SULF2: variants seen among roughly 807,000 people sequenced by gnomAD.
SULF2 encodes the protein sulfatase 2, also known as extracellular sulfatase Sulf-2.
In SULF2, 52 loss-of-function variants were observed where a neutral mutation model predicts 107.7. The ratio of observed to expected loss-of-function variants is 0.48; its 90% CI spans 0.39 to 0.61. SULF2 has a LOEUF of 0.61. Ranked by LOEUF, SULF2 falls within the 20% of genes least tolerant of loss-of-function variation. The pLI, the probability that SULF2 is intolerant of heterozygous loss-of-function variation, is 0.00. For synonymous variants in SULF2, 460 were observed against 464.3 expected (o/e 0.99, Z 0.12); for missense variants, 993 against 1,177.3 (o/e 0.84, Z 2.29).
At chr20:47,729,959 C>T (rs976296564) in intron 3 of SULF2, among the ~76,000 whole-genome samples, 1 of 152,238 alleles carries the variant, frequency 6.6e-6, no homozygotes, top group Non-Finnish European at 1.5e-5. Flanking sequence ...AAATGCCTAG[C>T]GGGCGCCTTT....
At chr20:47,673,123 T>C (rs933875463) in intron 10 of SULF2, among the ~76,000 whole-genome samples, 33 of 152,208 alleles carry the variant, frequency 2.2e-4, no homozygotes, top group African/African-American at 7.2e-4. Context: ...TCTTCCCCAG[T>C]TCCAGCCTCC....
chr20:47,728,728 C>T (rs912461700), intron 3 of SULF2, among the ~76,000 whole-genome samples: 2 of 149,006 alleles, frequency 1.3e-5, no homozygotes, highest in Non-Finnish European at 3.0e-5. Flanking sequence ...TCACTGCAAC[C>T]TCCACCTCCC....
intron 14 of SULF2, 86 bp downstream of exon 14, chr20:47,665,113 G>GA: frequency 1.2e-6 from 1 of 866,132 alleles, no homozygotes; most frequent in African/African-American, 1.7e-5. Context: ...AATAAAAAAT[G>GA]AAAGGGGTCA....
chr20:47,763,955 C>G (rs1379554601), intron 1 of SULF2, among the ~76,000 whole-genome samples: 1 of 152,240 alleles, frequency 6.6e-6, no homozygotes, highest in Non-Finnish European at 1.5e-5. Context: ...CCCACCCAAC[C>G]TGCTCCATCA....
intron 3 of SULF2, among the ~76,000 whole-genome samples, chr20:47,706,286 G>T (rs1403173348): frequency 6.6e-6 from 1 of 151,956 alleles, no homozygotes; most frequent in Non-Finnish European, 1.5e-5. Flanking sequence ...CCATGCGGGG[G>T]GGCTCCACTT....
intron 3 of SULF2, among the ~76,000 whole-genome samples, chr20:47,728,666 T>TA (rs1184391855): frequency 1.3e-5 from 2 of 152,046 alleles, no homozygotes; most frequent in Non-Finnish European, 2.9e-5. Flanking sequence ...ATTTTTGAGA[T>TA]AGAGTCTCAT....
chr20:47,659,505 A>C (rs933441533), intron 19 of SULF2, 53 bp from the exon 20 acceptor site: 2 of 1,582,342 alleles, frequency 1.3e-6, no homozygotes, highest in Non-Finnish European at 1.7e-6. Flanking sequence ...CCAAGAAAGA[A>C]AAAGTCCCCA....
chr20:47,716,937 G>C (rs1161881037), intron 3 of SULF2, among the ~76,000 whole-genome samples: 1 of 152,174 alleles, frequency 6.6e-6, no homozygotes, highest in Non-Finnish European at 1.5e-5. Context: ...TTGGACCCAG[G>C]AGTTCGAGGC....
At chr20:47,782,830 C>A (rs924126342) in intron 1 of SULF2, among the ~76,000 whole-genome samples, 1 of 152,200 alleles carries the variant, frequency 6.6e-6, no homozygotes, top group African/African-American at 2.4e-5. Context: ...TCTGTCGGAA[C>A]AGTGGGGGTT....
rs2090911719 is a variant in SULF2, at chr20:47,785,447, CCGCTGCCGCCGCCGCCGCCGCCGCT to C, written c.-230_-206del. The C allele has an allele frequency of 6.6e-6, 1 of 151,112 alleles. No individual in the cohort carries two copies. The highest frequency in any genetic ancestry group is 1.3e-5 in the Non-Finnish European group (1 of 74,518). The allele number at this position is 151,112 out of a possible 1,614,324, so 9.4% of individuals were successfully genotyped here. Reference sequence around the variant, plus strand: ...CGCAGGGGACTCCGCGCCGCCGCTGCCGCTGCCGCCGCCGCCGCCGCCGCTGCCGCTGCTGCATCCCCCGGCGAGC... The same window carrying C: ...CGCAGGGGACTCCGCGCCGCCGCTGCGCCGCTGCTGCATCCCCCGGCGAGC... On this transcript the variant is annotated 5_prime_UTR_variant, in exon 1 of 21. Coordinates refer to ENST00000688720, the MANE Select transcript of SULF2 (RefSeq NM_001387048.1).
Position 47,678,533 on chromosome 20 carries a change from G to A in SULF2, c.1193+143C>T. 2.5e-6 allele frequency: 2 copies of A among 786,544 alleles called. No individual in the cohort carries two copies. The highest frequency in any genetic ancestry group is 2.0e-5 in the South Asian group (1 of 49,822). The allele number at this position is 786,544 out of a possible 1,614,324, so 48.7% of individuals were successfully genotyped here. ...GGGACCATGCTTCTCTCCCACAGCA[G>A]GTAAGTGGTTGGCATGGCGGGACCT... On this transcript the variant is annotated intron_variant, in intron 8 of 20. Transcript: ENST00000688720. The surrounding 1 kb of genome is among the most constrained non-coding windows in gnomAD (Gnocchi z 4.5).
chr20:47,664,167 G>C lies in SULF2; in HGVS notation c.2020C>G (p.Arg674Gly). The C allele has an allele frequency of 6.2e-7, 1 of 1,613,058 alleles. No individual in the cohort carries two copies. The highest frequency in any genetic ancestry group is 8.5e-7 in the Non-Finnish European group (1 of 1,179,696). ...AGACTGGAGCCTCTGTGCTTGAGGC[G>C]GCCTTTGTGCTGGGTGTGGTAGCTG... ...KISYHTQHKG[R>G]LKHRGSSLHP... Residue 674 changes from arginine (R) to glycine (G), a missense_variant, in exon 15 of 21, where the codon CGC (arginine) becomes GGC (glycine). Arg to Gly is a moderately radical substitution (Grantham distance 125). Transcript: ENST00000688720.
At chr20:47,721,293 G>A (rs529848954) in intron 3 of SULF2, among the ~76,000 whole-genome samples, 2 of 152,150 alleles carry the variant, frequency 1.3e-5, no homozygotes, top group Non-Finnish European at 2.9e-5. Context: ...CACGAAAGAG[G>A]CATCTTATGT....
chr20:47,664,051 C>G lies in SULF2; in HGVS notation c.2057+79G>C, dbSNP rs1306711904. On this transcript the variant is annotated intron_variant, in intron 15 of 20. Transcript: ENST00000688720. Reference sequence around the variant, plus strand: ...GGGCCTGGACTTCTTTCCTTTTCTTCTGAGTTTTAGCTTAAGGGAGGGCCA... The same window carrying G: ...GGGCCTGGACTTCTTTCCTTTTCTTGTGAGTTTTAGCTTAAGGGAGGGCCA... The G allele has an allele frequency of 2.0e-6, 3 of 1,477,114 alleles. No individual in the cohort carries two copies. The Admixed American group carries it at 5.5e-5, about 27-fold the overall frequency. The allele number at this position is 1,477,114 out of a possible 1,614,324, so 91.5% of individuals were successfully genotyped here.
chr20:47,701,413 C>T (rs1026786139), intron 4 of SULF2, among the ~76,000 whole-genome samples: 8 of 152,148 alleles, frequency 5.3e-5, no homozygotes, highest in Non-Finnish European at 7.4e-5. Context: ...ATTCATCCAG[C>T]GGTCCACTTA....
Position 47,676,574 on chromosome 20 carries a change from T to A in SULF2, c.1300A>T (p.Asn434Tyr). The A allele has an allele frequency of 2.5e-6, 4 of 1,574,838 alleles. No individual in the cohort carries two copies. Among genetic ancestry groups the A allele is most frequent in the Non-Finnish European group, 3.4e-6 (4 of 1,159,524 alleles). Residue 434 changes from asparagine (N) to tyrosine (Y), a missense_variant, in exon 10 of 21, where the codon AAC becomes TAC. Physicochemically the swap from Asn to Tyr is moderately radical, Grantham distance 143. This residue lies in a region of SULF2 where 108 missense variants were observed against 183.9 expected (regional missense o/e 0.59). Coordinates refer to ENST00000688720, the MANE Select transcript of SULF2 (RefSeq NM_001387048.1). ...ACACGCTGGTACTTGGGCAGAAAGT[T>A]CTCCTCCTGGGCGTCCACCTTGTCA... ...DNDKVDAQEENFLPKYQRVKD... is the reference protein window; with the variant it reads ...DNDKVDAQEEYFLPKYQRVKD...
In SULF2 at chr20:47,769,158, C is replaced by T. The variant is rs7361455; in HGVS notation, c.-100-11695G>A. Among the ~76,000 whole-genome samples the T allele has an allele frequency of 3.8e-3, 582 of 151,864 alleles. 9 individuals carry two copies. Among genetic ancestry groups the T allele is most frequent in the African/African-American group, 0.013 (550 of 41,416 alleles). ...TGGGTTCAAGTGATTCTCCTGCCTC[C>T]GCCTCCTGAGTAGCTGGAACTACAG... On this transcript the variant is annotated intron_variant, in intron 1 of 20. Coordinates refer to ENST00000688720, the MANE Select transcript of SULF2 (RefSeq NM_001387048.1).
At position 47,678,096 on chromosome 20, in the gene SULF2, C is replaced by G. The variant is rs1054079022; in HGVS notation, c.1193+580G>C. The G allele has an allele frequency of 6.6e-6, 1 of 152,384 alleles. No homozygotes were observed. 9.4% of individuals were successfully genotyped at this position (152,384 alleles called of 1,614,324 possible). Reference sequence around the variant, plus strand: ...CCTCCCACCTGTCTGACTTGCTCACCCTCACGGTTCCTATTCTGCCTCTCT... The same window carrying G: ...CCTCCCACCTGTCTGACTTGCTCACGCTCACGGTTCCTATTCTGCCTCTCT... On this transcript the variant is annotated intron_variant, in intron 8 of 20. Transcript: ENST00000688720. The surrounding 1 kb of genome is among the most constrained non-coding windows in gnomAD (Gnocchi z 4.5).
Position 47,672,204 on chromosome 20 carries a change from T to C in SULF2, c.1570A>G (p.Lys524Glu). The change falls in exon 11 of 21, where the codon AAG becomes GAG. Residue 524 changes from lysine to glutamate, a missense_variant. Lys to Glu is a moderately conservative substitution (Grantham distance 56). This residue lies in a region of SULF2 where 497 missense variants were observed against 544.1 expected (regional missense o/e 0.91). Coordinates refer to ENST00000688720, the MANE Select transcript of SULF2 (RefSeq NM_001387048.1). Reference sequence around the variant, plus strand: ...GCCAGGTTGTGACACTTACTCTTCTTGAAGAGTTTTTTCCGGCGTCCGGCC... The same window carrying C: ...GCCAGGTTGTGACACTTACTCTTCTCGAAGAGTTTTTTCCGGCGTCCGGCC... The part of the protein sequence containing the change: ...SLAGRRKKLF[K>E]KKYKASYVRS... The C allele has an allele frequency of 1.9e-6, 3 of 1,607,038 alleles. No homozygotes were observed. Among genetic ancestry groups the C allele is most frequent in the Non-Finnish European group, 2.6e-6 (3 of 1,174,860 alleles).
Sources: gnomAD v4.1 joint callset for allele counts (sites outside exome capture counted in the v4.1 genomes callset) on GRCh38, gnomAD v4.1.1 for gene constraint, gnomAD v4.1.1 regional missense constraint, Gnocchi (gnomAD v3.1) non-coding constraint, MANE v1.5 for transcripts, NCBI Gene and HGNC (gene_info 2026-07-23, HGNC 2026-07-21) for gene names.